ZSCAN18: variants seen among roughly 807,000 people sequenced by gnomAD.
ZSCAN18 encodes the protein zinc finger and SCAN domain-containing protein 18.
ZSCAN18 carries 16 observed loss-of-function variants against 31.1 expected under a neutral mutation model. That is an observed-to-expected ratio of 0.51 (90% CI 0.35 to 0.78). The LOEUF (loss-of-function observed/expected upper bound fraction) is 0.78, where lower values mean the gene tolerates loss of function less well. Ranked by LOEUF, ZSCAN18 falls within the 30% of genes least tolerant of loss-of-function variation. The pLI is 0.01. For missense variants in ZSCAN18, 731 were observed against 697.4 expected, an observed-to-expected ratio of 1.05 and a Z score of -0.54; for synonymous variants, 375 against 320.7, an observed-to-expected ratio of 1.17 and a Z score of -1.81.
At chr19:58,091,041 G>C (rs1196252312) in intron 1 of ZSCAN18, among the ~76,000 whole-genome samples, 2 of 151,804 alleles carry the variant, frequency 1.3e-5, no homozygotes, top group African/African-American at 4.8e-5. Context: ...AGGCTGAGAT[G>C]GGTGGATAAC....
At chr19:58,113,278 T>G (rs2074702613) in intron 1 of ZSCAN18, among the ~76,000 whole-genome samples, 1 of 151,390 alleles carries the variant, frequency 6.6e-6, no homozygotes, top group African/African-American at 2.4e-5. Flanking sequence ...ATCACGCCAC[T>G]GCACTCAAGC....
chr19:58,109,261 A>C, intron 1 of ZSCAN18: 1 of 1,231,696 alleles, frequency 8.1e-7, no homozygotes, highest in Non-Finnish European at 1.0e-6. Flanking sequence ...CCTTCCCAAC[A>C]CCATCCCAAG....
intron 1 of ZSCAN18, among the ~76,000 whole-genome samples, chr19:58,097,140 G>A (rs763444449): frequency 1.3e-4 from 20 of 152,116 alleles, no homozygotes; most frequent in Admixed American, 3.9e-4. Flanking sequence ...AAGTGACTGT[G>A]CCACTCAGCC....
chr19:58,087,200 G>A (rs1267015804), intron 4 of ZSCAN18, 116 bp downstream of exon 4: 1 of 1,194,062 alleles, frequency 8.4e-7, no homozygotes, highest in South Asian at 1.4e-5. Flanking sequence ...TGGGTTCTGG[G>A]CCTCAGCGCT....
chr19:58,112,576 A>C (rs2146028440), intron 1 of ZSCAN18, among the ~76,000 whole-genome samples: 1 of 150,742 alleles, frequency 6.6e-6, no homozygotes, highest in South Asian at 2.1e-4. Context: ...GCGTGAACCC[A>C]GGAGGCGGAG....
At chr19:58,104,133 C>T (rs184686354) in intron 1 of ZSCAN18, among the ~76,000 whole-genome samples, 2 of 152,304 alleles carry the variant, frequency 1.3e-5, no homozygotes, top group African/African-American at 4.8e-5. Flanking sequence ...AATCCCAACA[C>T]TTTGGGAGGC....
In ZSCAN18 at chr19:58,112,715, C is replaced by T. The variant is rs376033881; in HGVS notation, c.130+5552G>A. ...CTGTAATCCCAGCACTTGAGGAGGC[C>T]GAGGGGGGCAGATCACCTGAGGTCT... On this transcript the variant is annotated intron_variant, in intron 1 of 1. Transcript: ENST00000595721. Among the ~76,000 whole-genome samples, 749 of 151,538 alleles carry T rather than the reference C, an allele frequency of 4.9e-3. 7 individuals carry two copies. Among genetic ancestry groups the T allele is most frequent in the African/African-American group, 0.016 (649 of 41,284 alleles).
intron 6 of ZSCAN18, chr19:58,085,858 A>G (rs2074268810): frequency 2.7e-6 from 1 of 365,794 alleles, no homozygotes; most frequent in Non-Finnish European, 5.0e-6. Flanking sequence ...GTCCGCCTCT[A>G]GGTGTTCTTG....
At chr19:58,098,310 C>A (rs2554978), upstream of ZSCAN18, 1 of 985,392 alleles carries the variant, frequency 1.0e-6, no homozygotes, top group Non-Finnish European at 1.2e-6. Context: ...TGCCGCGCAC[C>A]GGGGCGAGCA....
At position 58,091,849 on chromosome 19, in the gene ZSCAN18, A is replaced by G. The variant is rs568831383; in HGVS notation, c.-119-1463T>C. ...CGCCTGGGTCTGAAGGTCCACAGAG[A>G]CAGCTGGAAGGGGATTTCCCACAGC... On this transcript the variant is annotated intron_variant, in intron 1 of 6. Transcript: ENST00000601144. Among the ~76,000 whole-genome samples the G allele has an allele frequency of 2.0e-4, 30 of 152,244 alleles. No individual in the cohort carries two copies. The South Asian group carries it at 6.2e-3, about 32-fold the overall frequency.
upstream of ZSCAN18, among the ~76,000 whole-genome samples, chr19:58,099,860 T>A (rs576914678): frequency 6.6e-6 from 1 of 152,240 alleles, no homozygotes; most frequent in Admixed American, 6.5e-5. Flanking sequence ...GAGCACACTT[T>A]AATGATTTTT....
rs199875286 is a variant in ZSCAN18 at position 58,086,212 on chromosome 19, C to T, written c.800G>A (p.Arg267Gln). The part of the protein sequence containing the change: ...AASRLDTEEL[R>Q]LVERDPQGSS... The stretch of plus-strand genomic sequence containing the variant: ...TCCTTGTGGATCTCTTTCCACCAAC[C>T]GGAGTTCCTCAGTGTCCAGCCTGGA... Residue 267 changes from arginine (R) to glutamine (Q), a missense_variant, in exon 6 of 7, where the codon CGG becomes CAG. Arg to Gln is a conservative substitution (Grantham distance 43, BLOSUM62 1). Around this residue, in one of 4 missense-constraint regions of ZSCAN18, gnomAD observed 597 missense variants for 499.5 expected, o/e 1.20. Coordinates refer to ENST00000601144, the MANE Select transcript of ZSCAN18 (RefSeq NM_001145543.2). 1.7e-4 allele frequency: 282 copies of T among 1,613,958 alleles called. No homozygotes were observed. Among genetic ancestry groups the T allele is most frequent in the Admixed American group, 5.3e-4 (32 of 60,006 alleles).
chr19:58,112,657 G>GA (rs1299445985), intron 1 of ZSCAN18, among the ~76,000 whole-genome samples: 1 of 144,074 alleles, frequency 6.9e-6, no homozygotes, highest in East Asian at 2.1e-4. Flanking sequence ...TCAAAAAAAA[G>GA]AAAAAAAAGT....
At chr19:58,109,174 T>C in intron 1 of ZSCAN18, 1 of 1,231,322 alleles carries the variant, frequency 8.1e-7, no homozygotes, top group Non-Finnish European at 1.0e-6. Flanking sequence ...GTCCTCACAT[T>C]CCCAGACCTC....
At chr19:58,112,860 G>C (rs904560534) in intron 1 of ZSCAN18, among the ~76,000 whole-genome samples, 31 of 127,694 alleles carry the variant, frequency 2.4e-4, no homozygotes, top group African/African-American at 9.1e-4. Flanking sequence ...CTGAAGCAGG[G>C]GAATCACTTG....
upstream of ZSCAN18, among the ~76,000 whole-genome samples, chr19:58,100,125 AT>A (rs138368400): frequency 0.18 from 26,194 of 148,086 alleles, 2,286 homozygotes; most frequent in African/African-American, 0.22. Context: ...TACCCAGCTA[AT>A]TTTTTTTTTT....
At position 58,086,944 on chromosome 19, in the gene ZSCAN18, T is replaced by C; in HGVS notation, c.707A>G (p.Glu236Gly). Residue 236 changes from glutamate to glycine, a missense_variant, in exon 5 of 7, where the codon GAG (glutamate) becomes GGG (glycine). Coordinates refer to ENST00000601144, the MANE Select transcript of ZSCAN18 (RefSeq NM_001145543.2). ...LGEWGHLDPA[E>G]ENLKSYRKLL... ...CTTCCGGTAGCTCTTCAGGTTCTCC[T>C]CGGCAGGGTCCAGGTGGCCCCACTC... The C allele has an allele frequency of 6.2e-7, 1 of 1,613,886 alleles. No individual in the cohort carries two copies. Among genetic ancestry groups the C allele is most frequent in the Non-Finnish European group, 8.5e-7 (1 of 1,179,970 alleles).
chr19:58,092,706 T>G, intron 1 of ZSCAN18: 1 of 984,436 alleles, frequency 1.0e-6, no homozygotes, highest in Non-Finnish European at 1.2e-6. Context: ...CTACACAAGC[T>G]TCCACTTACC....
chr19:58,116,075 A>G (rs979004983), intron 1 of ZSCAN18, among the ~76,000 whole-genome samples: 1 of 144,186 alleles, frequency 6.9e-6, no homozygotes, highest in Non-Finnish European at 1.5e-5. Context: ...TGGGGAGAGA[A>G]GAAGGTTGCA....
Sources: allele counts gnomAD v4.1 joint callset (sites outside exome capture counted in the v4.1 genomes callset), GRCh38; gene constraint gnomAD v4.1.1; regional missense constraint gnomAD v4.1.1; transcripts MANE v1.5; gene names NCBI Gene and HGNC (gene_info 2026-07-23, HGNC 2026-07-21).